The following SLC1A2 variants were observed in gnomAD, a reference collection of about 807,000 sequenced individuals.
SLC1A2 encodes the protein excitatory amino acid transporter 2.
SLC1A2 carries 15 observed loss-of-function variants against 48.8 expected under a neutral mutation model. The observed-to-expected ratio is 0.31, with a 90% CI of 0.21 to 0.47. The LOEUF is 0.47. Among genes scored for constraint, SLC1A2 ranks in the 20% least tolerant of loss-of-function variants. The pLI is 0.99. For missense variants in SLC1A2, 502 were observed against 730.5 expected, an observed-to-expected ratio of 0.69 and a Z score of 3.61; for synonymous variants, 279 against 272.6, an observed-to-expected ratio of 1.02 and a Z score of -0.23.
At chr11:35,309,526 T>G (rs1851621192) in intron 4 of SLC1A2, among the ~76,000 whole-genome samples, 1 of 152,208 alleles carries the variant, frequency 6.6e-6, no homozygotes, top group Non-Finnish European at 1.5e-5. Flanking sequence ...GAGACCTCTC[T>G]GCTCACAAAG....
chr11:35,256,195 AT>A lies in SLC1A2; in HGVS notation c.*4698del, dbSNP rs1441282817. On this transcript the variant is annotated 3_prime_UTR_variant, in exon 11 of 11. Coordinates refer to ENST00000278379, the MANE Select transcript of SLC1A2 (RefSeq NM_004171.4). ...AATCAAATGTTCCCTCTACCAAACC[AT>A]GTTGTTTCTTATCATCTCTATGTCA... is the stretch of plus-strand genomic sequence containing the variant. 6.6e-6 allele frequency: 1 copy of A among 152,180 alleles called. No homozygotes were observed. The highest frequency in any genetic ancestry group is 2.4e-5 in the African/African-American group (1 of 41,450). 9.4% of individuals were successfully genotyped at this position (152,180 alleles called of 1,614,324 possible).
In SLC1A2 at chr11:35,257,986, G is replaced by A. The variant is rs972593705; in HGVS notation, c.*2908C>T. On this transcript the variant is annotated 3_prime_UTR_variant, in exon 11 of 11. Transcript: ENST00000278379. ...TATACATATAATTGACAGGTTAAATGTATTCTATTTAGATAAAGGTTATTA... is the reference window on the plus strand; with the variant it reads ...TATACATATAATTGACAGGTTAAATATATTCTATTTAGATAAAGGTTATTA... 1 of 152,164 alleles carries A rather than the reference G, an allele frequency of 6.6e-6. No homozygotes were observed. The highest frequency in any genetic ancestry group is 2.4e-5 in the African/African-American group (1 of 41,440). 9.4% of individuals were successfully genotyped at this position (152,164 alleles called of 1,614,324 possible).
At chr11:35,419,751 T>C, upstream of SLC1A2, 1 of 261,694 alleles carries the variant, frequency 3.8e-6, no homozygotes. This position sits in a 1 kb window ranked among gnomAD's most constrained non-coding sequence, Gnocchi z 5.4. Flanking sequence ...TAGCTATTGT[T>C]TCCCCTGAAG....
intron 1 of SLC1A2, among the ~76,000 whole-genome samples, chr11:35,366,431 C>A (rs1853852243): frequency 6.6e-6 from 1 of 152,186 alleles, no homozygotes; most frequent in South Asian, 2.1e-4. Flanking sequence ...TAAAACTCCT[C>A]AGGAGTAGCC....
intron 5 of SLC1A2, among the ~76,000 whole-genome samples, chr11:35,302,138 G>C (rs532738380): frequency 1.3e-5 from 2 of 152,016 alleles, no homozygotes; most frequent in Non-Finnish European, 2.9e-5. Context: ...TGGCTGGTAT[G>C]TTTCACTCTT....
chr11:35,390,057 T>G (rs1412181735), intron 1 of SLC1A2, among the ~76,000 whole-genome samples: 1 of 152,250 alleles, frequency 6.6e-6, no homozygotes, highest in East Asian at 1.9e-4. Flanking sequence ...CTATGACATT[T>G]AGCAACTGGT....
chr11:35,334,115 C>T (rs922871635), intron 1 of SLC1A2, among the ~76,000 whole-genome samples: 7 of 152,184 alleles, frequency 4.6e-5, no homozygotes, highest in Non-Finnish European at 7.4e-5. Context: ...AGTGATTGTC[C>T]CTTAGATAGG....
intron 8 of SLC1A2, among the ~76,000 whole-genome samples, chr11:35,284,087 TTATATATATA>T (rs34252173): frequency 8.6e-6 from 1 of 115,900 alleles, no homozygotes; most frequent in Admixed American, 9.7e-5. Context: ...GAAGATTTTA[TTATATATATA>T]TATATATATA....
chr11:35,399,530 A>G (rs879894753), intron 1 of SLC1A2: 12 of 760,612 alleles, frequency 1.6e-5, no homozygotes, highest in African/African-American at 1.9e-5. Flanking sequence ...GGAGGAGGCA[A>G]TGGTGGGTCT....
In SLC1A2 at chr11:35,317,359, G is replaced by T. The variant is rs200064196; in HGVS notation, c.157+18C>A. The T allele has an allele frequency of 1.3e-4, 209 of 1,611,188 alleles. No individual in the cohort carries two copies. Among genetic ancestry groups the T allele is most frequent in the Non-Finnish European group, 1.7e-4 (205 of 1,177,828 alleles). On this transcript the variant is annotated intron_variant, in intron 2 of 10. Coordinates refer to ENST00000278379, the MANE Select transcript of SLC1A2 (RefSeq NM_004171.4). ...CCAGAGAAGAGGGGGCTGGGGGTGG[G>T]GTAGTGCAGGTACCTACCAAACACC...
chr11:35,303,210 C>G (rs139104335), intron 5 of SLC1A2, among the ~76,000 whole-genome samples: 1 of 152,126 alleles, frequency 6.6e-6, no homozygotes, highest in East Asian at 1.9e-4. Flanking sequence ...TTACTCTTTC[C>G]CTAGTCATCT....
At chr11:35,305,072 T>C (rs796855241) in intron 5 of SLC1A2, among the ~76,000 whole-genome samples, 9 of 152,284 alleles carry the variant, frequency 5.9e-5, no homozygotes, top group African/African-American at 2.2e-4. Context: ...AGATTCACCA[T>C]TTCTCCCAGG....
chr11:35,287,327 C>A (rs1488614571), intron 7 of SLC1A2, among the ~76,000 whole-genome samples: 1 of 150,996 alleles, frequency 6.6e-6, no homozygotes, highest in Non-Finnish European at 1.5e-5. Context: ...AGAAAAGAAT[C>A]AGCTATCAAC....
intron 1 of SLC1A2, among the ~76,000 whole-genome samples, chr11:35,386,752 TCACAA>T (rs1854595568): frequency 6.6e-6 from 1 of 152,218 alleles, no homozygotes; most frequent in Non-Finnish European, 1.5e-5. Flanking sequence ...GCATTTATCC[TCACAA>T]CCACCCCTAA....
At chr11:35,290,727 T>TCTC (rs11459739) in intron 7 of SLC1A2, among the ~76,000 whole-genome samples, 1 of 148,602 alleles carries the variant, frequency 6.7e-6, no homozygotes, top group Non-Finnish European at 1.5e-5. Context: ...TTTTTTTTTT[T>TCTC]TCTCTTTTTC....
chr11:35,292,243 C>A, intron 7 of SLC1A2, 44 bp downstream of exon 7: 1 of 1,411,496 alleles, frequency 7.1e-7, no homozygotes, highest in Middle Eastern at 2.2e-4. Flanking sequence ...GCAAAGAGGG[C>A]AAAAGAGTGA....
chr11:35,333,827 A>ATTTTTTTTT (rs373988431), intron 1 of SLC1A2, among the ~76,000 whole-genome samples: 1,001 of 125,910 alleles, frequency 8.0e-3, no homozygotes, highest in Non-Finnish European at 0.01. Flanking sequence ...ATGCCAGCTA[A>ATTTTTTTTT]TTTTTTTTTT....
At chr11:35,354,099 A>G (rs1306630922) in intron 1 of SLC1A2, among the ~76,000 whole-genome samples, 1 of 152,096 alleles carries the variant, frequency 6.6e-6, no homozygotes, top group Non-Finnish European at 1.5e-5. Context: ...CAAATCTATT[A>G]CCAAATGGCA....
chr11:35,339,022 C>T (rs1015478895), intron 1 of SLC1A2, among the ~76,000 whole-genome samples: 1 of 152,096 alleles, frequency 6.6e-6, no homozygotes, highest in East Asian at 1.9e-4. Flanking sequence ...CTCTAAAGGG[C>T]AATTCTTTGG....
Sources: allele counts gnomAD v4.1 joint callset (sites outside exome capture counted in the v4.1 genomes callset), GRCh38; gene constraint gnomAD v4.1.1; non-coding constraint Gnocchi (gnomAD v3.1); transcripts MANE v1.5; gene names NCBI Gene and HGNC (gene_info 2026-07-23, HGNC 2026-07-21).